The following ARHGEF4 variants were observed in gnomAD, a reference collection of about 807,000 sequenced individuals.
The protein encoded by ARHGEF4 is APC-stimulated guanine nucleotide exchange factor 1.
In ARHGEF4, 119 loss-of-function variants were observed where a neutral mutation model predicts 162.0. The observed-to-expected ratio is 0.73, with a 90% CI of 0.63 to 0.86. ARHGEF4 has a LOEUF of 0.86. Among genes scored for constraint, ARHGEF4 ranks in the 40% least tolerant of loss-of-function variants. ARHGEF4 has a pLI of 0.00. For missense variants in ARHGEF4, 2,488 were observed against 2,456.0 expected (o/e 1.01, Z -0.28); for synonymous variants, 1,014 against 979.9 (o/e 1.03, Z -0.65).
intron 5 of ARHGEF4, chr2:131,034,956 G>T: frequency 3.1e-6 from 3 of 982,238 alleles, no homozygotes; most frequent in Non-Finnish European, 3.6e-6. Flanking sequence ...GGCGCCGCGC[G>T]CACGGCGCCG....
chr2:130,902,315 A>C (rs1170113058), intron 1 of ARHGEF4, among the ~76,000 whole-genome samples: 1 of 151,490 alleles, frequency 6.6e-6, no homozygotes, highest in Admixed American at 6.6e-5. Flanking sequence ...GCCAGGATAC[A>C]AGGGAAGTAA....
chr2:131,045,250 C>T, intron 12 of ARHGEF4, 119 bp from the exon 13 acceptor site: 1 of 965,508 alleles, frequency 1.0e-6, no homozygotes, highest in Non-Finnish European at 1.6e-6. Context: ...CCCGCTGTGG[C>T]CAGTACTGAG....
chr2:130,897,942 G>A (rs1015506001), intron 1 of ARHGEF4, among the ~76,000 whole-genome samples: 2 of 152,202 alleles, frequency 1.3e-5, no homozygotes, highest in Non-Finnish European at 2.9e-5. Context: ...TATTTTAGCT[G>A]CATTTGCTTT....
At chr2:130,918,630 G>C (rs1681678024) in intron 2 of ARHGEF4, among the ~76,000 whole-genome samples, 1 of 152,204 alleles carries the variant, frequency 6.6e-6, no homozygotes, top group Non-Finnish European at 1.5e-5. Flanking sequence ...GGCAGATAAG[G>C]TGCTGGCAGA....
chr2:130,855,952 A>C (rs1681751450), intron 1 of ARHGEF4, among the ~76,000 whole-genome samples: 1 of 152,232 alleles, frequency 6.6e-6, no homozygotes, highest in Admixed American at 6.5e-5. Context: ...TTCAACAACA[A>C]AACAAAAAAT....
At position 130,916,706 on chromosome 2, in the gene ARHGEF4, T is replaced by A; in HGVS notation, c.2760T>A (p.Ile920=). The change falls in exon 2 of 14, where the codon ATT becomes ATA. Residue 920 remains isoleucine, a synonymous_variant. Coordinates refer to ENST00000409359, the MANE Select transcript of ARHGEF4 (RefSeq NM_001367493.1). ...CTCATAAGACCTTTTCAAACTTTATTGAGTCAATAGTTCTAGAGAAAGAGA... is the reference window on the plus strand; with the variant it reads ...CTCATAAGACCTTTTCAAACTTTATAGAGTCAATAGTTCTAGAGAAAGAGA... ...ALAHKTFSNF[I]ESIVLEKENT... The A allele has an allele frequency of 1.3e-6, 2 of 1,550,622 alleles. No homozygotes were observed. The highest frequency in any genetic ancestry group is 1.7e-6 in the Non-Finnish European group (2 of 1,146,996).
chr2:130,894,035 G>A (rs1680015014), intron 1 of ARHGEF4, among the ~76,000 whole-genome samples: 1 of 152,218 alleles, frequency 6.6e-6, no homozygotes. Flanking sequence ...CCCTGATGGG[G>A]TCGAGGCAGG....
intron 3 of ARHGEF4, among the ~76,000 whole-genome samples, chr2:130,944,209 T>C (rs562693879): frequency 2.0e-5 from 3 of 152,322 alleles, no homozygotes; most frequent in Non-Finnish European, 4.4e-5. Flanking sequence ...ATTTTTTTCA[T>C]TGTCTCTAAT....
At chr2:131,024,353 G>A (rs1353215483) in intron 4 of ARHGEF4, among the ~76,000 whole-genome samples, 1 of 152,194 alleles carries the variant, frequency 6.6e-6, no homozygotes, top group African/African-American at 2.4e-5. Context: ...TCAGCTCACT[G>A]CAACCTCCGC....
chr2:130,880,297 GGAACA>G (rs1282447825), intron 1 of ARHGEF4, among the ~76,000 whole-genome samples: 1 of 152,186 alleles, frequency 6.6e-6, no homozygotes, highest in Non-Finnish European at 1.5e-5. Context: ...GACTGATGGT[GGAACA>G]GGGATTTGTA....
chr2:130,923,317 A>T (rs1163738772), intron 2 of ARHGEF4, among the ~76,000 whole-genome samples: 1 of 152,224 alleles, frequency 6.6e-6, no homozygotes, highest in Non-Finnish European at 1.5e-5. Flanking sequence ...TCATGAAAAG[A>T]ATCCCTTAAA....
At chr2:131,027,088 C>T (rs998744110) in intron 4 of ARHGEF4, among the ~76,000 whole-genome samples, 5 of 152,216 alleles carry the variant, frequency 3.3e-5, no homozygotes, top group East Asian at 1.9e-4. Flanking sequence ...AACCCTCCAA[C>T]GCATGCCCAG....
Position 131,040,207 on chromosome 2 carries a change from G to T in ARHGEF4, c.4482+15G>T. On this transcript the variant is annotated intron_variant, in intron 7 of 13. Coordinates refer to ENST00000409359, the MANE Select transcript of ARHGEF4 (RefSeq NM_001367493.1). ...ACATCTGCGAGGTGAGGCCCGGCCG[G>T]CGGGCGGTGACTGGGGACCCGGTCG... 1.2e-6 allele frequency: 2 copies of T among 1,608,804 alleles called. No homozygotes were observed. Among genetic ancestry groups the T allele is most frequent in the Non-Finnish European group, 1.7e-6 (2 of 1,176,876 alleles).
At chr2:130,840,802 G>C (rs1200607214) in intron 1 of ARHGEF4, among the ~76,000 whole-genome samples, 1 of 152,176 alleles carries the variant, frequency 6.6e-6, no homozygotes, top group Non-Finnish European at 1.5e-5. Context: ...TGTCAGCTCA[G>C]AACCAGCCCT....
intron 4 of ARHGEF4, among the ~76,000 whole-genome samples, chr2:130,978,574 C>T (rs765999611): frequency 6.6e-6 from 1 of 152,132 alleles, no homozygotes; most frequent in African/African-American, 2.4e-5. Flanking sequence ...TCAATTGTGT[C>T]GCATTACAAA....
intron 3 of ARHGEF4, among the ~76,000 whole-genome samples, chr2:130,943,239 T>C (rs961702259): frequency 2.6e-5 from 4 of 152,224 alleles, no homozygotes; most frequent in Non-Finnish European, 5.9e-5. Context: ...GCTCTGAAAT[T>C]GGTTTTGTCT....
chr2:130,925,738 C>G (rs1309272373), intron 2 of ARHGEF4, among the ~76,000 whole-genome samples: 1 of 152,146 alleles, frequency 6.6e-6, no homozygotes, highest in Non-Finnish European at 1.5e-5. Context: ...TCTCACTGCT[C>G]TCAATATTTT....
chr2:131,040,142 A>C lies in ARHGEF4; in HGVS notation c.4432A>C (p.Ile1478Leu). The change falls in exon 7 of 14, where the codon ATC (isoleucine) becomes CTC (leucine). Residue 1478 changes from isoleucine (I) to leucine (L), a missense_variant. By Grantham distance (5) the Ile-to-Leu change is conservative. Around this residue, in one of 6 missense-constraint regions of ARHGEF4, gnomAD observed 174 missense variants for 148.3 expected, o/e 1.17. Transcript: ENST00000409359. The stretch of plus-strand genomic sequence containing the variant: ...GATGCGGACCAACGTCATCAACGAG[A>C]TCCTCAGCACTGAGCGGGACTACAT... ...DQMRTNVINE[I>L]LSTERDYIKH... 2.5e-6 allele frequency: 4 copies of C among 1,613,382 alleles called. No homozygotes were observed. The highest frequency in any genetic ancestry group is 3.4e-6 in the Non-Finnish European group (4 of 1,179,772).
intron 4 of ARHGEF4, among the ~76,000 whole-genome samples, chr2:130,979,064 T>C (rs2105245117): frequency 6.6e-6 from 1 of 152,314 alleles, no homozygotes; most frequent in Non-Finnish European, 1.5e-5. Context: ...AAGCCAGTTT[T>C]TTTTGAGAAG....
Sources: allele counts gnomAD v4.1 joint callset (sites outside exome capture counted in the v4.1 genomes callset), GRCh38; gene constraint gnomAD v4.1.1; regional missense constraint gnomAD v4.1.1; transcripts MANE v1.5; gene names NCBI Gene and HGNC (gene_info 2026-07-23, HGNC 2026-07-21).